The following TENT2 variants were observed in gnomAD, a reference collection of about 807,000 sequenced individuals.
The protein encoded by TENT2 is terminal nucleotidyltransferase 2, also known as poly(A) RNA polymerase GLD2.
A neutral mutation model predicts 72.2 loss-of-function variants in TENT2; 44 were observed. That is an observed-to-expected ratio of 0.61 (90% CI 0.48 to 0.78). TENT2 has a LOEUF of 0.78. Among genes scored for constraint, TENT2 ranks in the 30% least tolerant of loss-of-function variants. The pLI, the probability that TENT2 is intolerant of heterozygous loss-of-function variation, is 0.00. For synonymous variants in TENT2, 212 were observed against 192.5 expected (o/e 1.10, Z -0.84); for missense variants, 541 against 569.6 (o/e 0.95, Z 0.51).
chr5:79,635,720 A>G (rs1285715937), intron 4 of TENT2, among the ~76,000 whole-genome samples: 1 of 152,012 alleles, frequency 6.6e-6, no homozygotes, highest in Admixed American at 6.5e-5. Context: ...ACACCTGGCT[A>G]ATTTTTTGTA....
intron 4 of TENT2, among the ~76,000 whole-genome samples, chr5:79,633,856 A>G (rs190258642): frequency 6.6e-6 from 1 of 151,648 alleles, no homozygotes; most frequent in Non-Finnish European, 1.5e-5. Flanking sequence ...ATTGGTACAT[A>G]TAAAAACTTT....
At chr5:79,673,542 A>G (rs1561581941) in intron 12 of TENT2, among the ~76,000 whole-genome samples, 1 of 150,956 alleles carries the variant, frequency 6.6e-6, no homozygotes, top group Middle Eastern at 3.4e-3. Context: ...CTATTTATTG[A>G]AGAGACTGTG....
intron 4 of TENT2, among the ~76,000 whole-genome samples, chr5:79,638,390 C>G (rs1315731469): frequency 1.3e-5 from 2 of 152,120 alleles, no homozygotes; most frequent in Non-Finnish European, 2.9e-5. Context: ...TTACACCTTT[C>G]CTTTTCTCCT....
At chr5:79,634,744 G>A (rs891252969) in intron 4 of TENT2, among the ~76,000 whole-genome samples, 5 of 150,296 alleles carry the variant, frequency 3.3e-5, no homozygotes, top group Admixed American at 6.6e-5. Flanking sequence ...GATAGCCTAA[G>A]CAGTTAATTT....
At chr5:79,656,117 A>G (rs186622920) in intron 10 of TENT2, among the ~76,000 whole-genome samples, 30 of 152,040 alleles carry the variant, frequency 2.0e-4, no homozygotes, top group African/African-American at 6.7e-4. Flanking sequence ...TTGAAAATGT[A>G]TTACTTGTAT....
intron 10 of TENT2, among the ~76,000 whole-genome samples, chr5:79,653,819 T>C (rs1182460945): frequency 6.6e-6 from 1 of 152,182 alleles, no homozygotes; most frequent in African/African-American, 2.4e-5. Context: ...TATTGAGTAG[T>C]TACAGCTCTG....
chr5:79,673,865 A>G (rs1156336143), intron 12 of TENT2, among the ~76,000 whole-genome samples: 3 of 152,220 alleles, frequency 2.0e-5, no homozygotes, highest in Admixed American at 6.5e-5. Flanking sequence ...ACTCCTTGAA[A>G]AAAACCAAGG....
At chr5:79,637,947 G>A (rs1781472824) in intron 4 of TENT2, among the ~76,000 whole-genome samples, 2 of 151,960 alleles carry the variant, frequency 1.3e-5, no homozygotes, top group African/African-American at 4.8e-5. Context: ...ACAGGCACGT[G>A]CCACTGTTCC....
intron 4 of TENT2, among the ~76,000 whole-genome samples, chr5:79,637,583 T>C (rs1304771702): frequency 6.6e-6 from 1 of 152,030 alleles, no homozygotes; most frequent in African/African-American, 2.4e-5. Context: ...CGCATCACCA[T>C]GTCCAGCTAA....
chr5:79,677,074 T>C (rs1817842713), intron 12 of TENT2, among the ~76,000 whole-genome samples: 1 of 152,164 alleles, frequency 6.6e-6, no homozygotes. Context: ...AAAAAATATA[T>C]AACTAAATCT....
chr5:79,644,007 G>A (rs1198704090), intron 7 of TENT2, among the ~76,000 whole-genome samples: 1 of 146,568 alleles, frequency 6.8e-6, no homozygotes, highest in Non-Finnish European at 1.5e-5. Flanking sequence ...TTTTGAGACA[G>A]AGTCTCGCTC....
rs529218817 is a variant in TENT2, at chr5:79,632,475, TA to T, written c.466-8374del. Among the ~76,000 whole-genome samples the T allele has an allele frequency of 3.8e-4, 58 of 152,338 alleles. No individual in the cohort carries two copies. In the South Asian group the frequency reaches 8.3e-3, roughly 22 times the overall value. On this transcript the variant is annotated intron_variant, in intron 4 of 14. Transcript: ENST00000453514. Reference sequence around the variant, plus strand: ...AAAAATGAGAATGTAATCAGTTATCTAAGCCCCTGAATTCCATCTACAGTAT... The same window carrying T: ...AAAAATGAGAATGTAATCAGTTATCTAGCCCCTGAATTCCATCTACAGTAT...
chr5:79,668,813 G>A, intron 11 of TENT2, 79 bp from the exon 12 acceptor site: 1 of 1,442,220 alleles, frequency 6.9e-7, no homozygotes, highest in Non-Finnish European at 9.3e-7. Flanking sequence ...TCAAAGAGGA[G>A]CCTAGTTCAG....
At chr5:79,667,290 G>A (rs16877016) in intron 11 of TENT2, among the ~76,000 whole-genome samples, 30,578 of 152,006 alleles carry the variant, frequency 0.2, 4,517 homozygotes, top group African/African-American at 0.41. Flanking sequence ...CTTTCAGAGC[G>A]GGAGCTATTA....
intron 10 of TENT2, among the ~76,000 whole-genome samples, chr5:79,656,221 AC>A (rs1438554588): frequency 7.0e-6 from 1 of 141,866 alleles, no homozygotes; most frequent in Non-Finnish European, 1.5e-5. Context: ...TCATATTAAA[AC>A]AATGTAAAAT....
rs1411897647 is a variant in TENT2, at chr5:79,646,624, T to C, written c.821+1432T>C. Reference sequence around the variant, plus strand: ...GTGTCAGATTTTCCTAAAGCAGATATAAAATATATAGGGAGATAAAACATA... The same window carrying C: ...GTGTCAGATTTTCCTAAAGCAGATACAAAATATATAGGGAGATAAAACATA... On this transcript the variant is annotated intron_variant, in intron 8 of 14. Transcript: ENST00000453514. Among the ~76,000 whole-genome samples the C allele has an allele frequency of 2.6e-5, 4 of 152,214 alleles. No individual in the cohort carries two copies. The East Asian group carries it at 7.7e-4, about 29-fold the overall frequency.
At chr5:79,663,225 G>C (rs557114704) in intron 11 of TENT2, among the ~76,000 whole-genome samples, 1 of 152,294 alleles carries the variant, frequency 6.6e-6, no homozygotes, top group Non-Finnish European at 1.5e-5. Context: ...GATCTATCCA[G>C]ACCAGTGAAA....
chr5:79,670,735 GCAATAA>G (rs1237700828), intron 12 of TENT2, among the ~76,000 whole-genome samples: 1 of 150,806 alleles, frequency 6.6e-6, no homozygotes, highest in Non-Finnish European at 1.5e-5. Flanking sequence ...TTAAGATATT[GCAATAA>G]CAATAGCTAA....
rs933235024 is a variant in TENT2, at chr5:79,628,839, C to T, written c.465+5350C>T. ...ACTCAAAACCTAAACAATTTTGTAA[C>T]GAGAACACTATCAAAAATAATAATT... is the stretch of plus-strand genomic sequence containing the variant. On this transcript the variant is annotated intron_variant, in intron 4 of 14. Coordinates refer to ENST00000453514, the MANE Select transcript of TENT2 (RefSeq NM_001114394.3). 3.3e-5 allele frequency among the ~76,000 whole-genome samples: 5 copies of T among 152,262 alleles called. No individual in the cohort carries two copies. In the East Asian group the frequency reaches 5.8e-4, roughly 18 times the overall value.
Sources: allele counts gnomAD v4.1 joint callset (sites outside exome capture counted in the v4.1 genomes callset), GRCh38; gene constraint gnomAD v4.1.1; transcripts MANE v1.5; gene names NCBI Gene and HGNC (gene_info 2026-07-23, HGNC 2026-07-21).